Variants in SLC35F1 observed in about 807,000 individuals in gnomAD.
SLC35F1 encodes the protein chromosome 6 open reading frame 169.
SLC35F1 carries 14 observed loss-of-function variants against 48.7 expected under a neutral mutation model. The observed-to-expected ratio is 0.29, with a 90% CI of 0.19 to 0.45. The LOEUF (loss-of-function observed/expected upper bound fraction) is 0.45, where lower values mean the gene tolerates loss of function less well. SLC35F1 is among the 20% of genes least tolerant of loss of function. SLC35F1 has a pLI of 1.00. For missense variants in SLC35F1, 404 were observed against 500.0 expected, an observed-to-expected ratio of 0.81 and a Z score of 1.83; for synonymous variants, 190 against 202.2, an observed-to-expected ratio of 0.94 and a Z score of 0.51.
At chr6:118,286,737 G>A (rs371073857) in intron 7 of SLC35F1, among the ~76,000 whole-genome samples, 14 of 152,002 alleles carry the variant, frequency 9.2e-5, no homozygotes, top group African/African-American at 3.1e-4. Flanking sequence ...CCACAATCAA[G>A]CTAATTATAT....
chr6:118,023,838 A>G (rs1318719091), intron 1 of SLC35F1, among the ~76,000 whole-genome samples: 1 of 152,220 alleles, frequency 6.6e-6, no homozygotes, highest in Non-Finnish European at 1.5e-5. Flanking sequence ...GCTGTAAAAA[A>G]GGAAACTGCT....
chr6:118,277,002 T>C (rs1024450058), intron 5 of SLC35F1, among the ~76,000 whole-genome samples: 4 of 152,136 alleles, frequency 2.6e-5, no homozygotes, highest in African/African-American at 9.7e-5. Context: ...GAAATGCACA[T>C]CCATGGATCT....
At chr6:117,944,287 A>G (rs1776267008) in intron 1 of SLC35F1, among the ~76,000 whole-genome samples, 2 of 152,110 alleles carry the variant, frequency 1.3e-5, no homozygotes, top group African/African-American at 4.8e-5. Context: ...GCAGTTCAAA[A>G]ACCATTAGCA....
rs1213554442 is a variant in SLC35F1, at chr6:118,219,496, A to G, written c.350-16013A>G. ...CACACCAGTTAGAATGGCGATCATT[A>G]AAAAGTCAGGAAACAACAGGTGCTA... On this transcript the variant is annotated intron_variant, in intron 2 of 7. Coordinates refer to ENST00000360388, the MANE Select transcript of SLC35F1 (RefSeq NM_001029858.4). Among the ~76,000 whole-genome samples the G allele has an allele frequency of 2.0e-5, 3 of 152,190 alleles. No homozygotes were observed. In the East Asian group the frequency reaches 5.8e-4, roughly 29 times the overall value.
At chr6:118,146,298 G>A (rs976377260) in intron 1 of SLC35F1, among the ~76,000 whole-genome samples, 9 of 152,114 alleles carry the variant, frequency 5.9e-5, no homozygotes, top group African/African-American at 1.9e-4. Context: ...TCTTTTGCTC[G>A]AAAATGTCAA....
intron 2 of SLC35F1, among the ~76,000 whole-genome samples, chr6:118,179,766 C>G (rs1245249362): frequency 6.6e-6 from 1 of 151,980 alleles, no homozygotes; most frequent in Non-Finnish European, 1.5e-5. Flanking sequence ...AGTAAAGTTA[C>G]AGGAATTTGT....
At chr6:117,961,918 G>A (rs565037838) in intron 1 of SLC35F1, among the ~76,000 whole-genome samples, 1 of 152,256 alleles carries the variant, frequency 6.6e-6, no homozygotes, top group African/African-American at 2.4e-5. Flanking sequence ...GAAAAGTCTT[G>A]GCTGGAGGAA....
At chr6:118,050,572 A>G (rs920874327) in intron 1 of SLC35F1, among the ~76,000 whole-genome samples, 4 of 151,994 alleles carry the variant, frequency 2.6e-5, no homozygotes, top group Admixed American at 2.6e-4. Context: ...CAGGCAAAGC[A>G]AAAAGGAGAG....
intron 4 of SLC35F1, among the ~76,000 whole-genome samples, chr6:118,271,641 CT>C (rs1775853571): frequency 6.6e-6 from 1 of 152,124 alleles, no homozygotes; most frequent in South Asian, 2.1e-4. Context: ...AATAGCCTTC[CT>C]TTTTCCTCCC....
chr6:117,928,846 C>G lies in SLC35F1; in HGVS notation c.173+20947C>G, dbSNP rs191980150. On this transcript the variant is annotated intron_variant, in intron 1 of 7. Coordinates refer to ENST00000360388, the MANE Select transcript of SLC35F1 (RefSeq NM_001029858.4). ...GTACTACAAAGGGGTTGGAGAACAG[C>G]TAGGTAGTTACGGTGATTGTGAAAC... Among the ~76,000 whole-genome samples the G allele has an allele frequency of 2.0e-5, 3 of 152,196 alleles. No homozygotes were observed. The East Asian group carries it at 5.8e-4, about 29-fold the overall frequency.
intron 2 of SLC35F1, among the ~76,000 whole-genome samples, chr6:118,223,703 C>T (rs1173278400): frequency 3.3e-5 from 5 of 152,218 alleles, no homozygotes; most frequent in Admixed American, 2.6e-4. Context: ...CAGCTTTCTG[C>T]TTTACCAGGC....
intron 1 of SLC35F1, among the ~76,000 whole-genome samples, chr6:118,087,824 T>C (rs918043595): frequency 6.6e-6 from 1 of 152,240 alleles, no homozygotes; most frequent in African/African-American, 2.4e-5. Flanking sequence ...GCTAATGTTA[T>C]TTAGCTAGAC....
chr6:118,055,336 A>G (rs1028287618), intron 1 of SLC35F1, among the ~76,000 whole-genome samples: 1 of 152,134 alleles, frequency 6.6e-6, no homozygotes, highest in Non-Finnish European at 1.5e-5. Flanking sequence ...TACAATACAG[A>G]TATTGTTTTT....
intron 1 of SLC35F1, among the ~76,000 whole-genome samples, chr6:118,063,509 G>T (rs984511716): frequency 2.0e-5 from 3 of 152,044 alleles, no homozygotes; most frequent in African/African-American, 4.8e-5. Flanking sequence ...ATACTTTTCA[G>T]TTATTCAGTG....
At chr6:118,308,386 TC>T (rs1776336267) in intron 7 of SLC35F1, among the ~76,000 whole-genome samples, 2 of 152,230 alleles carry the variant, frequency 1.3e-5, no homozygotes, top group African/African-American at 4.8e-5. Flanking sequence ...GTCTCATTTT[TC>T]CCAGGAATAA....
chr6:118,154,263 C>A (rs765851430), intron 1 of SLC35F1, among the ~76,000 whole-genome samples, 182 bp from the exon 2 acceptor site: 4 of 152,184 alleles, frequency 2.6e-5, no homozygotes, highest in Non-Finnish European at 4.4e-5. Flanking sequence ...TGGTTTCCTC[C>A]TCTGTAAAAT....
At chr6:118,091,904 G>C (rs1347487670) in intron 1 of SLC35F1, among the ~76,000 whole-genome samples, 1 of 152,188 alleles carries the variant, frequency 6.6e-6, no homozygotes, top group East Asian at 1.9e-4. Context: ...GCTATGCGAA[G>C]AGACTGGCAG....
chr6:118,281,156 AC>A lies in SLC35F1; in HGVS notation c.847+3611del, dbSNP rs1038538084. Among the ~76,000 whole-genome samples the A allele has an allele frequency of 7.4e-5, 11 of 148,106 alleles. No individual in the cohort carries two copies. The Middle Eastern group carries it at 0.01, about 141-fold the overall frequency. ...ATATATGTAGCATATACAGACACAT[AC>A]TTTATATATATATAGTAACTCTCTC... On this transcript the variant is annotated intron_variant, in intron 6 of 7. Coordinates refer to ENST00000360388, the MANE Select transcript of SLC35F1 (RefSeq NM_001029858.4).
At chr6:118,236,812 TGATGTTGGAAGAGATACAAGGCAATA>T (rs1366896033) in intron 3 of SLC35F1, among the ~76,000 whole-genome samples, 3 of 152,198 alleles carry the variant, frequency 2.0e-5, no homozygotes, top group Non-Finnish European at 4.4e-5. Context: ...ACTTTTAGAC[TGATGTTGGAAGAGATACAAGGCAATA>T]GCCAGATGCC....
Sources: gnomAD v4.1 joint callset for allele counts (sites outside exome capture counted in the v4.1 genomes callset) on GRCh38, gnomAD v4.1.1 for gene constraint, MANE v1.5 for transcripts, NCBI Gene and HGNC (gene_info 2026-07-23, HGNC 2026-07-21) for gene names.